The following RNF150 variants were observed in gnomAD, a reference collection of about 807,000 sequenced individuals.
RNF150 encodes ring finger protein 150.
Under a neutral mutation model 39.3 loss-of-function variants are expected in RNF150, and 24 were observed. The ratio of observed to expected loss-of-function variants is 0.61; its 90% CI spans 0.44 to 0.86. The LOEUF is 0.86. Among genes scored for constraint, RNF150 ranks in the 40% least tolerant of loss-of-function variants. RNF150 has a pLI of 0.00. For synonymous variants in RNF150, 255 were observed against 227.3 expected (o/e 1.12, Z -1.10); for missense variants, 502 against 587.8 (o/e 0.85, Z 1.51).
intron 1 of RNF150, among the ~76,000 whole-genome samples, chr4:141,019,621 A>G (rs1578638111): frequency 6.6e-6 from 1 of 152,246 alleles, no homozygotes; most frequent in African/African-American, 2.4e-5. Flanking sequence ...TAAGAACTAA[A>G]CTGAGACTTA....
At chr4:141,078,803 A>T (rs1738020297) in intron 1 of RNF150, among the ~76,000 whole-genome samples, 1 of 82,414 alleles carries the variant, frequency 1.2e-5, no homozygotes, top group Admixed American at 1.5e-4. Flanking sequence ...AAAAAAAAAA[A>T]AAAAAATATA....
intron 2 of RNF150, among the ~76,000 whole-genome samples, chr4:140,957,720 A>AT: frequency 6.6e-6 from 1 of 152,104 alleles, no homozygotes; most frequent in East Asian, 1.9e-4. Flanking sequence ...CTATGCAGCC[A>AT]TAAAAAATGA....
intron 1 of RNF150, among the ~76,000 whole-genome samples, chr4:141,103,704 A>G (rs1310155956): frequency 6.6e-6 from 1 of 150,464 alleles, no homozygotes; most frequent in African/African-American, 2.4e-5. Context: ...TTAAAGTATT[A>G]TATAACCCTC....
At chr4:140,895,860 A>AT (rs985514635) in intron 6 of RNF150, among the ~76,000 whole-genome samples, 5 of 152,162 alleles carry the variant, frequency 3.3e-5, no homozygotes, top group Admixed American at 2.0e-4. Context: ...TTTTTAAAGA[A>AT]TTTTTTTTCT....
At chr4:141,090,291 A>C (rs1187075080) in intron 1 of RNF150, among the ~76,000 whole-genome samples, 1 of 152,206 alleles carries the variant, frequency 6.6e-6, no homozygotes, top group Non-Finnish European at 1.5e-5. Context: ...TACTGGGTTT[A>C]AGTCAGTATT....
chr4:140,891,962 A>C (rs1422599539), intron 6 of RNF150, among the ~76,000 whole-genome samples: 2 of 152,148 alleles, frequency 1.3e-5, no homozygotes, highest in East Asian at 1.9e-4. Context: ...TCCCGAAAGC[A>C]CCACCGTCCC....
At chr4:141,166,743 C>T (rs1477223518) in intron 1 of RNF150, among the ~76,000 whole-genome samples, 1 of 152,008 alleles carries the variant, frequency 6.6e-6, no homozygotes. Flanking sequence ...AAATTCAACA[C>T]CTTTTCATGC....
intron 1 of RNF150, among the ~76,000 whole-genome samples, chr4:140,987,374 A>G (rs927840097): frequency 3.9e-5 from 6 of 152,262 alleles, no homozygotes; most frequent in African/African-American, 1.2e-4. Context: ...CTATACTACA[A>G]GGTTACAGTA....
At chr4:141,104,147 T>G (rs934145367) in intron 1 of RNF150, among the ~76,000 whole-genome samples, 1 of 152,114 alleles carries the variant, frequency 6.6e-6, no homozygotes, top group Non-Finnish European at 1.5e-5. Context: ...TATCGCCTCA[T>G]TGGCTCACCC....
rs566164153 is a variant in RNF150, at chr4:141,189,773, T to G, written c.-6+23021A>C. Reference sequence around the variant, plus strand: ...ACCACCAAGCTGAAGCATGCCAGGTTGACTTCAGACTGCTGTGCTGGCAGC... The same window carrying G: ...ACCACCAAGCTGAAGCATGCCAGGTGGACTTCAGACTGCTGTGCTGGCAGC... On this transcript the variant is annotated intron_variant, in intron 1 of 7. Coordinates refer to the RNF150 transcript ENST00000420921. Among the ~76,000 whole-genome samples, 119 of 152,276 alleles carry G rather than the reference T, an allele frequency of 7.8e-4. 1 individual carries two copies. Among genetic ancestry groups the G allele is most frequent in the Admixed American group, 3.3e-3 (50 of 15,300 alleles).
chr4:141,070,682 A>G (rs1737659750), intron 1 of RNF150, among the ~76,000 whole-genome samples: 1 of 136,372 alleles, frequency 7.3e-6, no homozygotes, highest in African/African-American at 2.5e-5. Flanking sequence ...CCACAATGAG[A>G]TACCATCTCA....
At chr4:141,103,796 G>A (rs971224958) in intron 1 of RNF150, among the ~76,000 whole-genome samples, 2 of 152,050 alleles carry the variant, frequency 1.3e-5, no homozygotes, top group African/African-American at 4.8e-5. Context: ...TAAATTGATC[G>A]ATTTCTAAGG....
intron 1 of RNF150, among the ~76,000 whole-genome samples, chr4:141,171,900 C>T (rs1293190815): frequency 6.6e-6 from 1 of 152,196 alleles, no homozygotes; most frequent in Non-Finnish European, 1.5e-5. Flanking sequence ...TCGTGCCTGT[C>T]ATACCTAGGT....
rs753865585 is a variant in RNF150, at chr4:140,911,283, C to T, written c.1059G>A (p.Gln353=). The change falls in exon 6 of 7, where the codon CAG becomes CAA. Residue 353 remains glutamine (Q), a synonymous_variant. Coordinates refer to ENST00000515673, the MANE Select transcript of RNF150 (RefSeq NM_020724.2). ...CTGTTGTGTCGCTGGCACCTGTGAT[C>T]TGGTTGGTGGGTGGACCTCCCAGAG... ...EGSLGGPPTN[Q]ITGASDTTVN... 1 of 1,614,152 alleles carries T rather than the reference C, an allele frequency of 6.2e-7. No individual in the cohort carries two copies. The highest frequency in any genetic ancestry group is 2.2e-5 in the East Asian group (1 of 44,862).
intron 1 of RNF150, among the ~76,000 whole-genome samples, chr4:141,211,808 T>C (rs9308138): frequency 0.22 from 33,651 of 152,068 alleles, 3,967 homozygotes; most frequent in South Asian, 0.32. Context: ...TTGACTTTGC[T>C]ATATAATCTT....
chr4:140,957,601 G>A (rs1227355538), intron 2 of RNF150, among the ~76,000 whole-genome samples: 1 of 151,972 alleles, frequency 6.6e-6, no homozygotes, highest in Non-Finnish European at 1.5e-5. Context: ...ACATGTACAC[G>A]TATGTTTATT....
intron 1 of RNF150, among the ~76,000 whole-genome samples, chr4:141,005,771 AGAAAT>A (rs957045551): frequency 3.3e-5 from 5 of 152,150 alleles, no homozygotes; most frequent in Non-Finnish European, 7.4e-5. Flanking sequence ...TAGTTAGATA[AGAAAT>A]ATTTTAAAAG....
At chr4:140,908,659 A>G (rs998423276) in intron 6 of RNF150, among the ~76,000 whole-genome samples, 3 of 152,140 alleles carry the variant, frequency 2.0e-5, no homozygotes, top group Non-Finnish European at 4.4e-5. Flanking sequence ...TGAACTAAAC[A>G]CTCTGAGTCT....
intron 5 of RNF150, among the ~76,000 whole-genome samples, chr4:140,920,291 G>A (rs1455150096): frequency 6.9e-6 from 1 of 144,790 alleles, no homozygotes; most frequent in East Asian, 2.1e-4. Flanking sequence ...CTACTCATCT[G>A]ACAAAGGGCT....
Sources: allele counts gnomAD v4.1 joint callset (sites outside exome capture counted in the v4.1 genomes callset), GRCh38; gene constraint gnomAD v4.1.1; transcripts MANE v1.5; gene names NCBI Gene and HGNC (gene_info 2026-07-23, HGNC 2026-07-21).